Variants in OSBPL10 observed in about 807,000 individuals in gnomAD.
OSBPL10 encodes the protein oxysterol-binding protein-related protein 10.
OSBPL10 carries 49 observed loss-of-function variants against 81.7 expected under a neutral mutation model. The observed-to-expected ratio is 0.60, with a 90% CI of 0.48 to 0.76. The LOEUF (loss-of-function observed/expected upper bound fraction) is 0.76, where lower values mean the gene tolerates loss of function less well. OSBPL10 is among the 30% of genes least tolerant of loss of function. The probability of loss-of-function intolerance (pLI) is 0.00; values close to 1 mark genes in which losing one functional copy is unlikely to be tolerated. For synonymous variants in OSBPL10, 419 were observed against 383.6 expected, an observed-to-expected ratio of 1.09 and a Z score of -1.08; for missense variants, 923 against 987.8, an observed-to-expected ratio of 0.93 and a Z score of 0.88.
At chr3:32,016,236 C>T (rs141920124) in intron 2 of OSBPL10, among the ~76,000 whole-genome samples, 2,498 of 152,256 alleles carry the variant, frequency 0.016, 52 homozygotes, top group African/African-American at 0.057. Context: ...GAAAATGTGG[C>T]ACATATACAC....
At position 31,980,989 on chromosome 3, in the gene OSBPL10, C is replaced by A. The variant is rs775577735; in HGVS notation, c.191G>T (p.Ser64Ile). 1 of 1,539,100 alleles carries A rather than the reference C, an allele frequency of 6.5e-7. No individual in the cohort carries two copies. The highest frequency in any genetic ancestry group is 8.7e-7 in the Non-Finnish European group (1 of 1,148,128). The change falls in exon 1 of 12, where the codon AGC (serine) becomes ATC (isoleucine). Residue 64 changes from serine (S) to isoleucine (I), a missense_variant. Transcript: ENST00000396556. Reference sequence around the variant, plus strand: ...CCTGCGGCCGCCTCCCCCGGACGGGCTAGCGGCCACAGAGCCCGGGCTGCT... The same window carrying A: ...CCTGCGGCCGCCTCCCCCGGACGGGATAGCGGCCACAGAGCCCGGGCTGCT... ...SRSSPGSVAA[S>I]PSGGGGRRRE...
intron 2 of OSBPL10, among the ~76,000 whole-genome samples, chr3:31,999,948 C>T (rs1666878658): frequency 6.6e-6 from 1 of 152,162 alleles, no homozygotes; most frequent in African/African-American, 2.4e-5. Flanking sequence ...ATAAGAGCCT[C>T]TTCTAAAACT....
chr3:31,733,752 G>A (rs535318012), intron 5 of OSBPL10, among the ~76,000 whole-genome samples: 152 of 131,722 alleles, frequency 1.2e-3, no homozygotes, highest in African/African-American at 3.8e-3. Flanking sequence ...GGTGGCTCAC[G>A]CCTGTAATCC....
intron 2 of OSBPL10, chr3:32,030,430 C>T (rs1046900563): frequency 7.5e-6 from 5 of 671,140 alleles, no homozygotes; most frequent in African/African-American, 7.2e-5. Context: ...GGTAAAGAAA[C>T]AAGTTAAGGG....
chr3:31,719,157 C>T (rs1165185361), intron 6 of OSBPL10, among the ~76,000 whole-genome samples: 3 of 152,242 alleles, frequency 2.0e-5, no homozygotes, highest in African/African-American at 7.2e-5. Flanking sequence ...TAAACTAATG[C>T]TAAATTATAA....
chr3:31,785,245 A>G (rs1698832853), intron 4 of OSBPL10, among the ~76,000 whole-genome samples: 1 of 152,244 alleles, frequency 6.6e-6, no homozygotes, highest in African/African-American at 2.4e-5. Context: ...GAAAAACAGA[A>G]TATAAAACTG....
At chr3:32,034,864 T>G (rs1559552797) in intron 2 of OSBPL10, among the ~76,000 whole-genome samples, 1 of 152,248 alleles carries the variant, frequency 6.6e-6, no homozygotes, top group Non-Finnish European at 1.5e-5. Flanking sequence ...AATTTACAAC[T>G]ACATAAATGT....
chr3:31,879,879 G>T, intron 1 of OSBPL10, 49 bp from the exon 2 acceptor site: 1 of 1,535,476 alleles, frequency 6.5e-7, no homozygotes, highest in Admixed American at 2.1e-5. Flanking sequence ...ACCCTATTCT[G>T]CACAGCAAAG....
intron 2 of OSBPL10, among the ~76,000 whole-genome samples, chr3:32,019,867 T>C (rs1244477049): frequency 6.6e-6 from 1 of 152,246 alleles, no homozygotes; most frequent in African/African-American, 2.4e-5. Context: ...TTATTTCTAC[T>C]ACACTGGAAC....
chr3:31,921,353 TC>T (rs1696907437), intron 1 of OSBPL10, among the ~76,000 whole-genome samples: 1 of 152,108 alleles, frequency 6.6e-6, no homozygotes, highest in Admixed American at 6.6e-5. Context: ...GGAGTCAGGT[TC>T]CTTGGAAAAA....
chr3:31,700,681 G>GATT (rs1695865605), intron 7 of OSBPL10, among the ~76,000 whole-genome samples: 1 of 152,166 alleles, frequency 6.6e-6, no homozygotes, highest in Non-Finnish European at 1.5e-5. Context: ...GAAACACTGT[G>GATT]ATTTTAGATT....
At chr3:31,789,350 A>G (rs1163333235) in intron 4 of OSBPL10, among the ~76,000 whole-genome samples, 1 of 152,212 alleles carries the variant, frequency 6.6e-6, no homozygotes, top group African/African-American at 2.4e-5. Context: ...GGTAGGTGAC[A>G]CTACCAAGGG....
At chr3:31,779,946 T>C (rs142502009) in intron 4 of OSBPL10, among the ~76,000 whole-genome samples, 352 of 152,332 alleles carry the variant, frequency 2.3e-3, no homozygotes, top group African/African-American at 7.8e-3. Flanking sequence ...TGCTCCTGAA[T>C]AATCTTTGAG....
chr3:31,926,294 C>CCCCCCG (rs946865908), intron 1 of OSBPL10, among the ~76,000 whole-genome samples: 2 of 148,030 alleles, frequency 1.4e-5, no homozygotes, highest in Admixed American at 1.3e-4. Context: ...ATTTTGCCCC[C>CCCCCCG]CCAGAGGATA....
chr3:31,722,492 TA>T (rs760155479), intron 6 of OSBPL10, among the ~76,000 whole-genome samples: 3 of 152,164 alleles, frequency 2.0e-5, no homozygotes, highest in Non-Finnish European at 4.4e-5. Context: ...ATAAAGGTTT[TA>T]GCACTAAAAA....
intron 2 of OSBPL10, among the ~76,000 whole-genome samples, chr3:31,997,767 TCA>T (rs1363321427): frequency 6.6e-6 from 1 of 151,990 alleles, no homozygotes; most frequent in Admixed American, 6.6e-5. Context: ...TCGCTGAGCC[TCA>T]GTGTTTTTGT....
intron 5 of OSBPL10, 112 bp downstream of exon 5, chr3:31,747,798 G>T: frequency 8.9e-7 from 1 of 1,127,218 alleles, no homozygotes; most frequent in East Asian, 2.4e-5. Flanking sequence ...TGGATATAAG[G>T]ATAGATGGAT....
chr3:31,933,115 G>A (rs1697293409), intron 1 of OSBPL10, among the ~76,000 whole-genome samples: 1 of 152,180 alleles, frequency 6.6e-6, no homozygotes, highest in Admixed American at 6.5e-5. Context: ...GAGCAAATGA[G>A]AAGTTACTCC....
intron 1 of OSBPL10, among the ~76,000 whole-genome samples, chr3:31,970,572 G>A (rs1369522648): frequency 6.6e-6 from 1 of 152,186 alleles, no homozygotes; most frequent in Non-Finnish European, 1.5e-5. Context: ...ATTTTTGACA[G>A]CCATGCATCC....
Sources: allele counts gnomAD v4.1 joint callset (sites outside exome capture counted in the v4.1 genomes callset), GRCh38; gene constraint gnomAD v4.1.1; transcripts MANE v1.5; gene names NCBI Gene and HGNC (gene_info 2026-07-23, HGNC 2026-07-21).